Variants in SF3A2 observed in about 807,000 individuals in gnomAD.
SF3A2 encodes the protein SAP 62.
Under a neutral mutation model 31.1 loss-of-function variants are expected in SF3A2, and 5 were observed. The observed-to-expected ratio is 0.16, with a 90% confidence interval of 0.08 to 0.34. The LOEUF (loss-of-function observed/expected upper bound fraction) is 0.34, where lower values mean the gene tolerates loss of function less well. Ranked by LOEUF, SF3A2 falls within the 10% of genes least tolerant of loss-of-function variation. The pLI is 1.00. For missense variants in SF3A2, 577 were observed against 643.9 expected, an observed-to-expected ratio of 0.90 and a Z score of 1.13; for synonymous variants, 365 against 263.7, an observed-to-expected ratio of 1.38 and a Z score of -3.72.
At position 2,246,806 on chromosome 19, in the gene SF3A2, A is replaced by T; in HGVS notation, c.405+4A>T. On this transcript the variant is annotated splice_donor_region_variant and intron_variant, in intron 6 of 8. Transcript: ENST00000221494. This position sits in a 1 kb window ranked among gnomAD's most constrained non-coding sequence, Gnocchi z 5.5. ...CCAGCAGAGCCTCCTCTTCCAGGTG[A>T]GATCAGGGACTTGGGCGTGGGGGGC... is the stretch of plus-strand genomic sequence containing the variant. The T allele has an allele frequency of 6.2e-7, 1 of 1,613,886 alleles. No homozygotes were observed. The highest frequency in any genetic ancestry group is 8.5e-7 in the Non-Finnish European group (1 of 1,179,964).
chr19:2,247,178 C>G (rs1019596828), intron 7 of SF3A2, 156 bp downstream of exon 7: 2 of 639,580 alleles, frequency 3.1e-6, no homozygotes, highest in Non-Finnish European at 5.2e-6. Flanking sequence ...GGCAGGGCAC[C>G]TCTCCCATTG....
rs531425094 is a variant in SF3A2, at chr19:2,239,415, G to T, written c.-38+2514G>T. Among the ~76,000 whole-genome samples the T allele has an allele frequency of 2.5e-3, 384 of 151,158 alleles. 1 individual carries two copies. Among genetic ancestry groups the T allele is most frequent in the Admixed American group, 4.1e-3 (63 of 15,190 alleles). ...TCTGTATTTGCTCAGAACTGTGAAA[G>T]CATTGTTTTCAGTGCTGTTCTCAAA... On this transcript the variant is annotated intron_variant, in intron 1 of 8. Transcript: ENST00000221494.
At chr19:2,247,521 C>T in intron 7 of SF3A2, 73 bp from the exon 8 acceptor site, 1 of 1,521,046 alleles carries the variant, frequency 6.6e-7, no homozygotes. Context: ...AGGCTAGTGC[C>T]TCGGGCTCCC....
chr19:2,245,196 A>G lies in SF3A2; in HGVS notation c.246-250A>G, dbSNP rs2024921600. On this transcript the variant is annotated intron_variant, in intron 4 of 8. Transcript: ENST00000221494. This position sits in a 1 kb window ranked among gnomAD's most constrained non-coding sequence, Gnocchi z 4.2. The stretch of plus-strand genomic sequence containing the variant: ...GAGACTCTTGTCTTATTAAAAAAAA[A>G]AAAAAAGAGCAGAGGCATGGAGTTG... 1 of 508,788 alleles carries G rather than the reference A, an allele frequency of 2.0e-6. No homozygotes were observed. The highest frequency in any genetic ancestry group is 3.5e-6 in the Non-Finnish European group (1 of 289,006). The allele number at this position is 508,788 out of a possible 1,614,324, so 31.5% of individuals were successfully genotyped here. A position where few individuals can be genotyped will look rare whatever the true frequency, so the allele number is the denominator to read the frequency against.
chr19:2,248,030 G>A lies in SF3A2; in HGVS notation c.879G>A (p.Val293=). The change falls in exon 9 of 9, where the codon GTG becomes GTA. Residue 293 remains valine, a synonymous_variant. Coordinates refer to ENST00000221494, the MANE Select transcript of SF3A2 (RefSeq NM_007165.5). ...PAPGVHPPAP[V]VHPPASGVHP... is the part of the protein sequence containing the mutation. ...CAGGGGTCCACCCCCCGGCCCCAGT[G>A]GTGCATCCCCCTGCATCTGGGGTCC... The A allele has an allele frequency of 1.0e-6, 1 of 967,824 alleles. No individual in the cohort carries two copies. The highest frequency in any genetic ancestry group is 1.6e-6 in the Non-Finnish European group (1 of 634,360). 60.0% of individuals were successfully genotyped at this position (967,824 alleles called of 1,614,324 possible). A position where few individuals can be genotyped will look rare whatever the true frequency, so the allele number is the denominator to read the frequency against.
rs754435385 is a variant in SF3A2 at position 2,248,078 on chromosome 19, CCCCCCAGCTCCTGGCGTCCAT to C, written c.936_956del (p.Ala319_Pro325del). The C allele has an allele frequency of 2.3e-4, 213 of 907,532 alleles. No homozygotes were observed. Among genetic ancestry groups the C allele is most frequent in the Middle Eastern group, 6.6e-4 (2 of 3,048 alleles). 56.2% of individuals were successfully genotyped at this position (907,532 alleles called of 1,614,324 possible). A position where few individuals can be genotyped will look rare whatever the true frequency, so the allele number is the denominator to read the frequency against. On this transcript the variant is annotated inframe_deletion, in exon 9 of 9. Transcript: ENST00000221494. ...TCCATCCCCCAGCTCCTGGCGTCCA[CCCCCCAGCTCCTGGCGTCCAT>C]CCCCCAGCCCCTGGGGTCCACCCAC...
At chr19:2,241,378 G>C (rs1419386348) in intron 1 of SF3A2, among the ~76,000 whole-genome samples, 5 of 152,240 alleles carry the variant, frequency 3.3e-5, no homozygotes. Context: ...GGAGAGGCAA[G>C]TGCGGCTGCG....
Position 2,243,377 on chromosome 19 carries a change from C to T in SF3A2, c.-37-5C>T, listed in dbSNP as rs1199771174. The T allele has an allele frequency of 1.3e-6, 2 of 1,490,626 alleles. No individual in the cohort carries two copies. The highest frequency in any genetic ancestry group is 2.9e-5 in the African/African-American group (2 of 68,090). 92.3% of individuals were successfully genotyped at this position (1,490,626 alleles called of 1,614,324 possible). On this transcript the variant is annotated splice_region_variant and splice_polypyrimidine_tract_variant and intron_variant, in intron 1 of 8. Coordinates refer to ENST00000221494, the MANE Select transcript of SF3A2 (RefSeq NM_007165.5). ...TCTTCCTCACTCTCCTCTTGGCCTCCACAGGTGTCTCCCAGTCTGCTAAAG... is the reference window on the plus strand; with the variant it reads ...TCTTCCTCACTCTCCTCTTGGCCTCTACAGGTGTCTCCCAGTCTGCTAAAG...
At chr19:2,244,084 G>T (rs914815686) in intron 2 of SF3A2, among the ~76,000 whole-genome samples, 3 of 152,230 alleles carry the variant, frequency 2.0e-5, no homozygotes, top group Non-Finnish European at 4.4e-5. Context: ...AGATGTGTGC[G>T]CCCGGCTGCC....
At chr19:2,244,655 T>C (rs745413761) in intron 3 of SF3A2, 40 bp downstream of exon 3, 2 of 1,610,924 alleles carry the variant, frequency 1.2e-6, no homozygotes, top group Non-Finnish European at 1.7e-6. Flanking sequence ...CGCGGCGGGC[T>C]GAGTGGCTGA....
intron 1 of SF3A2, chr19:2,237,497 C>CG (rs1255754359): frequency 1.3e-5 from 2 of 151,728 alleles, no homozygotes; most frequent in African/African-American, 4.8e-5. Flanking sequence ...GCGGGAAGAT[C>CG]GCTTGAGTCC....
chr19:2,248,230 C>A lies in SF3A2; in HGVS notation c.1079C>A (p.Pro360Gln). 1 of 1,453,304 alleles carries A rather than the reference C, an allele frequency of 6.9e-7. No homozygotes were observed. The highest frequency in any genetic ancestry group is 9.1e-7 in the Non-Finnish European group (1 of 1,096,456). The allele number at this position is 1,453,304 out of a possible 1,614,324, so 90.0% of individuals were successfully genotyped here. A position where few individuals can be genotyped will look rare whatever the true frequency, so the allele number is the denominator to read the frequency against. Residue 360 changes from proline to glutamine, a missense_variant, in exon 9 of 9, where the codon CCA becomes CAA. Around this residue, in one of 6 missense-constraint regions of SF3A2, gnomAD observed 462 missense variants for 339.1 expected, o/e 1.36. Coordinates refer to ENST00000221494, the MANE Select transcript of SF3A2 (RefSeq NM_007165.5). ...CCACCAGCCCCTGGGGTTCACCCAC[C>A]AGCCCCAGGGGTCCATCCTCCCCCA... ...VHPPAPGVHP[P>Q]APGVHPPPSA... is the part of the protein sequence containing the mutation.
chr19:2,248,042 T>G lies in SF3A2; in HGVS notation c.891T>G (p.Pro297=). 1.3e-6 allele frequency: 1 copy of G among 791,196 alleles called. No individual in the cohort carries two copies. Among genetic ancestry groups the G allele is most frequent in the Non-Finnish European group, 1.9e-6 (1 of 524,818 alleles). 49.0% of individuals were successfully genotyped at this position (791,196 alleles called of 1,614,324 possible). A position where few individuals can be genotyped will look rare whatever the true frequency, so the allele number is the denominator to read the frequency against. The part of the protein sequence containing the change: ...VHPPAPVVHP[P]ASGVHPPAPG... ...CCCCGGCCCCAGTGGTGCATCCCCC[T>G]GCATCTGGGGTCCATCCCCCAGCTC... Residue 297 remains proline, a synonymous_variant, in exon 9 of 9, where the codon CCT becomes CCG. Coordinates refer to ENST00000221494, the MANE Select transcript of SF3A2 (RefSeq NM_007165.5).
At position 2,247,034 on chromosome 19, in the gene SF3A2, G is replaced by T. The variant is rs1599654304; in HGVS notation, c.546+12G>T. ...CCATTGCCTTCAAGGTAGCGTGGCT[G>T]CGGGGTTCCCTGGGCCCCCTTGAGA... is the stretch of plus-strand genomic sequence containing the variant. On this transcript the variant is annotated intron_variant, in intron 7 of 8. Coordinates refer to ENST00000221494, the MANE Select transcript of SF3A2 (RefSeq NM_007165.5). The T allele has an allele frequency of 4.4e-6, 7 of 1,595,504 alleles. No individual in the cohort carries two copies. In the East Asian group the frequency reaches 6.7e-5, roughly 15 times the overall value.
intron 1 of SF3A2, among the ~76,000 whole-genome samples, chr19:2,238,772 C>T (rs994818072): frequency 1.3e-5 from 2 of 152,180 alleles, no homozygotes; most frequent in Non-Finnish European, 2.9e-5. Flanking sequence ...AATTGATCTC[C>T]CCTCACCACT....
At position 2,242,704 on chromosome 19, in the gene SF3A2, G is replaced by A. The variant is rs548757822; in HGVS notation, c.-37-678G>A. The stretch of plus-strand genomic sequence containing the variant: ...AGGGAAAGACTACCAGGAGATGAGA[G>A]GAGGCTGCCTGGAACTCAGATTTGC... On this transcript the variant is annotated intron_variant, in intron 1 of 8. Coordinates refer to ENST00000221494, the MANE Select transcript of SF3A2 (RefSeq NM_007165.5). Among the ~76,000 whole-genome samples the A allele has an allele frequency of 3.9e-5, 6 of 152,330 alleles. No individual in the cohort carries two copies. The East Asian group carries it at 5.8e-4, about 15-fold the overall frequency.
rs551888044 is a variant in SF3A2 at position 2,241,506 on chromosome 19, C to G, written c.-37-1876C>G. Among the ~76,000 whole-genome samples, 7 of 152,320 alleles carry G rather than the reference C, an allele frequency of 4.6e-5. No homozygotes were observed. The South Asian group carries it at 1.5e-3, about 32-fold the overall frequency. On this transcript the variant is annotated intron_variant, in intron 1 of 8. Transcript: ENST00000221494. The stretch of plus-strand genomic sequence containing the variant: ...GAGAAAAATGAGGCACTTCATGAAC[C>G]TGTCCGGGCGGCACCCACACAATCC...
Position 2,246,727 on chromosome 19 carries a change from G to C in SF3A2, c.356-26G>C. 1 of 1,613,722 alleles carries C rather than the reference G, an allele frequency of 6.2e-7. No homozygotes were observed. Among genetic ancestry groups the C allele is most frequent in the Non-Finnish European group, 8.5e-7 (1 of 1,179,890 alleles). ...CAGCTTCGGAGAGGACAAGCAGCCG[G>C]GACCTGAGAGCTTTCTGTGTTGCAG... On this transcript the variant is annotated intron_variant, in intron 5 of 8. Transcript: ENST00000221494. This position sits in a 1 kb window ranked among gnomAD's most constrained non-coding sequence, Gnocchi z 5.5.
chr19:2,246,713 A>G lies in SF3A2; in HGVS notation c.356-40A>G, dbSNP rs779602589. 5.0e-6 allele frequency: 8 copies of G among 1,613,270 alleles called. No homozygotes were observed. Among genetic ancestry groups the G allele is most frequent in the Non-Finnish European group, 6.8e-6 (8 of 1,179,642 alleles). On this transcript the variant is annotated intron_variant, in intron 5 of 8. Coordinates refer to ENST00000221494, the MANE Select transcript of SF3A2 (RefSeq NM_007165.5). This position sits in a 1 kb window ranked among gnomAD's most constrained non-coding sequence, Gnocchi z 5.5. ...TGCCCCAGGTTCCTCAGCTTCGGAG[A>G]GGACAAGCAGCCGGGACCTGAGAGC...
Sources: allele counts gnomAD v4.1 joint callset (sites outside exome capture counted in the v4.1 genomes callset), GRCh38; gene constraint gnomAD v4.1.1; regional missense constraint gnomAD v4.1.1; non-coding constraint Gnocchi (gnomAD v3.1); transcripts MANE v1.5; gene names NCBI Gene and HGNC (gene_info 2026-07-23, HGNC 2026-07-21).